The following NSUN2 variants were observed in gnomAD, a reference collection of about 807,000 sequenced individuals.
The protein encoded by NSUN2 is NOP2/Sun RNA methyltransferase 2.
Under a neutral mutation model 92.7 loss-of-function variants are expected in NSUN2, and 63 were observed. The ratio of observed to expected loss-of-function variants is 0.68; its 90% confidence interval spans 0.56 to 0.84. The LOEUF is 0.84. NSUN2 is among the 40% of genes least tolerant of loss of function. The probability of loss-of-function intolerance (pLI) is 0.00; values close to 1 mark genes in which losing one functional copy is unlikely to be tolerated. For missense variants in NSUN2, 989 were observed against 964.9 expected (o/e 1.02, Z -0.33); for synonymous variants, 356 against 348.3 (o/e 1.02, Z -0.25).
intron 9 of NSUN2, among the ~76,000 whole-genome samples, chr5:6,614,755 C>T (rs768575982): frequency 2.0e-5 from 3 of 152,088 alleles, no homozygotes; most frequent in Non-Finnish European, 1.5e-5. Flanking sequence ...GTTCTCTGAG[C>T]GGGGACAATT....
At chr5:6,623,641 G>A (rs1737547271) in intron 4 of NSUN2, among the ~76,000 whole-genome samples, 1 of 152,164 alleles carries the variant, frequency 6.6e-6, no homozygotes, top group Admixed American at 6.5e-5. Flanking sequence ...ACCTTCAACA[G>A]ACAGCATCAA....
intron 3 of NSUN2, among the ~76,000 whole-genome samples, chr5:6,628,042 C>G (rs1737722596): frequency 2.0e-5 from 3 of 152,148 alleles, no homozygotes; most frequent in Non-Finnish European, 2.9e-5. Context: ...CATCCTCAAT[C>G]TAGACATTAA....
Position 6,600,224 on chromosome 5 carries a change from T to C in NSUN2, c.2006A>G (p.Asp669Gly), listed in dbSNP as rs762093598. ...LKYEPDSANP[D>G]ALQCPIVLCG... ...TAAGACGATGGGACACTGCAGAGCG[T>C]CTGGATTCCTACAAGTGAAAGTGGC... Residue 669 changes from aspartate (D) to glycine (G), a missense_variant, in exon 19 of 19, where the codon GAC becomes GGC. Physicochemically the swap from Asp to Gly is moderately conservative, Grantham distance 94. Around this residue, in one of 3 missense-constraint regions of NSUN2, gnomAD observed 626 missense variants for 602.3 expected, o/e 1.04. Coordinates refer to ENST00000264670, the MANE Select transcript of NSUN2 (RefSeq NM_017755.6). 155 of 1,612,074 alleles carry C rather than the reference T, an allele frequency of 9.6e-5. No homozygotes were observed. Among genetic ancestry groups the C allele is most frequent in the Non-Finnish European group, 1.3e-4 (149 of 1,178,614 alleles).
intron 3 of NSUN2, among the ~76,000 whole-genome samples, chr5:6,629,706 T>C (rs1278660768): frequency 2.0e-5 from 3 of 152,226 alleles, no homozygotes; most frequent in Non-Finnish European, 4.4e-5. Flanking sequence ...CACCTTGAAT[T>C]GTAATATTCC....
chr5:6,612,268 T>C (rs2126484307), intron 9 of NSUN2, among the ~76,000 whole-genome samples: 1 of 152,284 alleles, frequency 6.6e-6, no homozygotes, highest in East Asian at 1.9e-4. Context: ...CGTCTCCCCA[T>C]TCCAATGCAC....
Position 6,600,074 on chromosome 5 carries a change from T to C in NSUN2, c.2156A>G (p.Asn719Ser), listed in dbSNP as rs1013093829. Residue 719 changes from asparagine (N) to serine (S), a missense_variant, in exon 19 of 19, where the codon AAT becomes AGT. This residue lies in a region of NSUN2 where 626 missense variants were observed against 602.3 expected (regional missense o/e 1.04). Coordinates refer to ENST00000264670, the MANE Select transcript of NSUN2 (RefSeq NM_017755.6). Reference sequence around the variant, plus strand: ...CTGTCCGGTGCTGGCTGCACTCTCATTTGTGAGGATAACCCCTTCCTTCTT... The same window carrying C: ...CTGTCCGGTGCTGGCTGCACTCTCACTTGTGAGGATAACCCCTTCCTTCTT... ...EKKKEGVILT[N>S]ESAASTGQPD... is the part of the protein sequence containing the mutation. 3.7e-6 allele frequency: 6 copies of C among 1,614,224 alleles called. No individual in the cohort carries two copies. The highest frequency in any genetic ancestry group is 4.2e-6 in the Non-Finnish European group (5 of 1,180,044).
chr5:6,625,851 A>G (rs1169550338), intron 3 of NSUN2, among the ~76,000 whole-genome samples, 182 bp from the exon 4 acceptor site: 4 of 152,202 alleles, frequency 2.6e-5, no homozygotes, highest in African/African-American at 7.2e-5. Flanking sequence ...CTTAAGGAAC[A>G]TGGCTCTAGC....
intron 4 of NSUN2, 60 bp from the exon 5 acceptor site, chr5:6,623,345 T>C: frequency 7.0e-7 from 1 of 1,434,506 alleles, no homozygotes; most frequent in Non-Finnish European, 9.5e-7. Flanking sequence ...GCAGACAATT[T>C]CAATCTTTGG....
chr5:6,610,685 A>C (rs181596468), intron 11 of NSUN2, among the ~76,000 whole-genome samples: 6 of 31,212 alleles, frequency 1.9e-4, no homozygotes, highest in Non-Finnish European at 6.1e-4. Context: ...CTCTCTCTCA[A>C]AAAAAAAAAA....
Position 6,605,164 on chromosome 5 carries a change from C to T in NSUN2, c.1737+109G>A, listed in dbSNP as rs867798506. The T allele has an allele frequency of 6.9e-6, 10 of 1,446,778 alleles. No homozygotes were observed. In the Admixed American group the frequency reaches 1.6e-4, roughly 23 times the overall value. The allele number at this position is 1,446,778 out of a possible 1,614,324, so 89.6% of individuals were successfully genotyped here. A position where few individuals can be genotyped will look rare whatever the true frequency, so the allele number is the denominator to read the frequency against. ...GCTCAGGGACCCACAGCCAGCGCTA[C>T]AGGTGGGGAGGGCAGATGTCACGGT... is the stretch of plus-strand genomic sequence containing the variant. On this transcript the variant is annotated intron_variant, in intron 15 of 18. Transcript: ENST00000264670.
intron 3 of NSUN2, among the ~76,000 whole-genome samples, chr5:6,629,838 T>C (rs1737802569): frequency 6.6e-6 from 1 of 152,190 alleles, no homozygotes. Context: ...AGGGGCTTCT[T>C]CCTTTGCTCA....
rs115259102 is a variant in NSUN2 at position 6,605,823 on chromosome 5, T to C, written c.1602-415A>G. 8.3e-3 allele frequency among the ~76,000 whole-genome samples: 1,263 copies of C among 151,522 alleles called. 5 individuals carry two copies. The highest frequency in any genetic ancestry group is 0.017 in the Middle Eastern group (5 of 292). ...AGCGGTTCTCCTGCCTCAGCCTGAG[T>C]AGCTGTGATTATAGGTGCACGCCAC... On this transcript the variant is annotated intron_variant, in intron 14 of 18. Coordinates refer to ENST00000264670, the MANE Select transcript of NSUN2 (RefSeq NM_017755.6).
intron 11 of NSUN2, 92 bp downstream of exon 11, chr5:6,610,863 G>A (rs1375354593): frequency 1.4e-6 from 2 of 1,469,690 alleles, no homozygotes; most frequent in East Asian, 4.8e-5. Context: ...GTCACCTGCT[G>A]CCTCCAACTC....
chr5:6,631,793 G>A, intron 3 of NSUN2, 80 bp downstream of exon 3: 1 of 1,046,434 alleles, frequency 9.6e-7, no homozygotes, highest in Non-Finnish European at 1.5e-6. Context: ...AACAGCAAAT[G>A]CAGTACCAAG....
intron 9 of NSUN2, among the ~76,000 whole-genome samples, chr5:6,615,417 A>T (rs903529850): frequency 2.6e-5 from 4 of 152,208 alleles, no homozygotes; most frequent in African/African-American, 9.7e-5. Context: ...TCACACTTGA[A>T]GGTGTAATTT....
At chr5:6,615,715 G>C (rs1737184067) in intron 9 of NSUN2, among the ~76,000 whole-genome samples, 1 of 152,218 alleles carries the variant, frequency 6.6e-6, no homozygotes, top group Non-Finnish European at 1.5e-5. Context: ...GCCCAGGAAA[G>C]GCCTCTCTCA....
rs772137602 is a variant in NSUN2 at position 6,611,066 on chromosome 5, T to C, written c.1115A>G (p.Gln372Arg). The C allele has an allele frequency of 1.9e-6, 3 of 1,614,172 alleles. No individual in the cohort carries two copies. The Admixed American group carries it at 5.0e-5, about 27-fold the overall frequency. ...TQWKVMTKDG[Q>R]WFTDWDAVPH... ...AACAGCGTCCCAGTCTGTAAACCAC[T>C]GCCCATCTTTCGTCATTACCTGCAG... Residue 372 changes from glutamine to arginine, a missense_variant, in exon 11 of 19, where the codon CAG becomes CGG. This residue lies in a region of NSUN2 where 626 missense variants were observed against 602.3 expected (regional missense o/e 1.04). Coordinates refer to ENST00000264670, the MANE Select transcript of NSUN2 (RefSeq NM_017755.6).
At chr5:6,609,960 C>A (rs775570384) in intron 11 of NSUN2, 38 bp from the exon 12 acceptor site, 54 of 1,339,848 alleles carry the variant, frequency 4.0e-5, no homozygotes, top group Non-Finnish European at 5.4e-5. Flanking sequence ...CTGAACTAAT[C>A]AAAAATGCAT....
chr5:6,611,935 G>C (rs41282637), intron 9 of NSUN2, 137 bp from the exon 10 acceptor site: 1 of 732,194 alleles, frequency 1.4e-6, no homozygotes, highest in Non-Finnish European at 2.2e-6. Context: ...CAAACCCGTC[G>C]ACAGAAAGTG....
Sources: gnomAD v4.1 joint callset for allele counts (sites outside exome capture counted in the v4.1 genomes callset) on GRCh38, gnomAD v4.1.1 for gene constraint, gnomAD v4.1.1 regional missense constraint, MANE v1.5 for transcripts, NCBI Gene and HGNC (gene_info 2026-07-23, HGNC 2026-07-21) for gene names.